SLC35F4: variants seen among roughly 807,000 people sequenced by gnomAD.
SLC35F4 encodes the protein chromosome 14 open reading frame 36.
SLC35F4 carries 24 observed loss-of-function variants against 44.2 expected under a neutral mutation model. The observed-to-expected ratio is 0.54, with a 90% CI of 0.39 to 0.76. The LOEUF is 0.76. Ranked by LOEUF, SLC35F4 falls within the 30% of genes least tolerant of loss-of-function variation. The pLI is 0.00. For missense variants in SLC35F4, 562 were observed against 586.1 expected (o/e 0.96, Z 0.42); for synonymous variants, 238 against 223.6 (o/e 1.06, Z -0.57).
intron 1 of SLC35F4, among the ~76,000 whole-genome samples, chr14:57,750,654 C>T (rs989058725): frequency 3.9e-5 from 6 of 152,110 alleles, no homozygotes; most frequent in Non-Finnish European, 8.8e-5. Context: ...TTGCACATAT[C>T]TGTTGGCCAT....
At chr14:57,658,980 T>G in intron 1 of SLC35F4, among the ~76,000 whole-genome samples, 1 of 151,656 alleles carries the variant, frequency 6.6e-6, no homozygotes. Context: ...AAAGAGAGGG[T>G]CCCACAGTCA....
At chr14:57,784,939 T>C (rs1225988828) in intron 1 of SLC35F4, among the ~76,000 whole-genome samples, 1 of 152,204 alleles carries the variant, frequency 6.6e-6, no homozygotes, top group Non-Finnish European at 1.5e-5. Context: ...CTCTTCCTTA[T>C]GCTTTTCTTA....
chr14:57,743,964 A>G (rs939940911), intron 1 of SLC35F4, among the ~76,000 whole-genome samples: 6 of 152,234 alleles, frequency 3.9e-5, no homozygotes, highest in African/African-American at 1.4e-4. Context: ...AACAGAACCA[A>G]CGACAAAAAC....
At chr14:57,875,808 T>G (rs537026564) in intron 1 of SLC35F4, among the ~76,000 whole-genome samples, 1 of 152,318 alleles carries the variant, frequency 6.6e-6, no homozygotes, top group East Asian at 1.9e-4. Context: ...GTGGTGAGAT[T>G]GCTGCAAACA....
intron 1 of SLC35F4, among the ~76,000 whole-genome samples, chr14:57,673,578 A>G (rs1250170597): frequency 6.6e-6 from 1 of 152,052 alleles, no homozygotes; most frequent in Non-Finnish European, 1.5e-5. Flanking sequence ...AGGGCAGCCT[A>G]TCCCTATTCC....
chr14:57,871,186 G>A (rs1256633580), intron 1 of SLC35F4, among the ~76,000 whole-genome samples: 1 of 152,120 alleles, frequency 6.6e-6, no homozygotes, highest in African/African-American at 2.4e-5. Context: ...TTGTCCAGAA[G>A]CAGCAGAGTC....
rs577552658 is a variant in SLC35F4 at position 57,824,833 on chromosome 14, TG to T, written c.103+40889del. ...GATTATTCAGGGCCTTAGAGGCTAT[TG>T]TAAGGATTATGGATTTTACATTGAG... is the stretch of plus-strand genomic sequence containing the variant. On this transcript the variant is annotated intron_variant, in intron 1 of 7. Coordinates refer to ENST00000556826, the MANE Select transcript of SLC35F4 (RefSeq NM_001306087.2). 4.6e-5 allele frequency among the ~76,000 whole-genome samples: 7 copies of T among 152,090 alleles called. No homozygotes were observed. In the South Asian group the frequency reaches 1.5e-3, roughly 32 times the overall value.
chr14:57,874,416 C>CA (rs1888355483), intron 1 of SLC35F4, among the ~76,000 whole-genome samples: 1 of 152,164 alleles, frequency 6.6e-6, no homozygotes, highest in East Asian at 1.9e-4. Flanking sequence ...ATCATTGTAA[C>CA]AAACAAAAGT....
chr14:57,947,089 A>G (rs1045048961), intron 1 of SLC35F4, among the ~76,000 whole-genome samples: 6 of 152,062 alleles, frequency 3.9e-5, no homozygotes, highest in African/African-American at 1.4e-4. Context: ...TATTTTCACG[A>G]TATTGATTCT....
At position 57,735,725 on chromosome 14, in the gene SLC35F4, G is replaced by GTT. The variant is rs11337745; in HGVS notation, c.103+129996_103+129997dup. ...AACTCCAACATAGCCACCCCCTTTTGTTTTTTTTTTTTTTAAAGACAGAGC... is the reference window on the plus strand; with the variant it reads ...AACTCCAACATAGCCACCCCCTTTTGTTTTTTTTTTTTTTTTAAAGACAGAGC... On this transcript the variant is annotated intron_variant, in intron 1 of 7. Coordinates refer to ENST00000556826, the MANE Select transcript of SLC35F4 (RefSeq NM_001306087.2). Among the ~76,000 whole-genome samples, 10 of 140,960 alleles carry GTT rather than the reference G, an allele frequency of 7.1e-5. No individual in the cohort carries two copies. In the East Asian group the frequency reaches 1.4e-3, roughly 20 times the overall value. The allele number at this position is 140,960 out of a possible 152,430, so 92.5% of individuals were successfully genotyped here.
At chr14:57,882,849 C>A (rs962811799) in intron 1 of SLC35F4, among the ~76,000 whole-genome samples, 4 of 152,166 alleles carry the variant, frequency 2.6e-5, no homozygotes, top group African/African-American at 9.7e-5. Flanking sequence ...TGTAATACTG[C>A]AGCTCAACCC....
At chr14:57,833,030 C>T (rs185975643) in intron 1 of SLC35F4, among the ~76,000 whole-genome samples, 1 of 152,120 alleles carries the variant, frequency 6.6e-6, no homozygotes, top group Admixed American at 6.6e-5. Flanking sequence ...AGCAGGTGTC[C>T]CTGAAATAAC....
chr14:57,886,079 A>G (rs943806831), intron 1 of SLC35F4, among the ~76,000 whole-genome samples: 16 of 152,232 alleles, frequency 1.1e-4, no homozygotes, highest in Non-Finnish European at 2.1e-4. Context: ...TATATATCAC[A>G]TGCTTACTGT....
intron 1 of SLC35F4, among the ~76,000 whole-genome samples, chr14:57,673,547 G>A (rs1184105267): frequency 2.0e-5 from 3 of 152,020 alleles, no homozygotes; most frequent in Non-Finnish European, 4.4e-5. Flanking sequence ...AAAATTTGAA[G>A]AAGATAGAAA....
intron 1 of SLC35F4, among the ~76,000 whole-genome samples, chr14:57,944,545 A>G (rs745533313): frequency 6.6e-6 from 1 of 152,010 alleles, no homozygotes; most frequent in African/African-American, 2.4e-5. Context: ...ACTCCTCAAA[A>G]TTGTGCTTTG....
At chr14:57,964,725 G>A (rs1890401862) in intron 1 of SLC35F4, among the ~76,000 whole-genome samples, 1 of 152,018 alleles carries the variant, frequency 6.6e-6, no homozygotes, top group African/African-American at 2.4e-5. Context: ...AGGCCTCAAG[G>A]TGGGGAAGGT....
chr14:57,951,987 T>C (rs1890150068), intron 1 of SLC35F4, among the ~76,000 whole-genome samples: 1 of 152,176 alleles, frequency 6.6e-6, no homozygotes. Context: ...TGCCTCCTGA[T>C]TGGGAAACAC....
chr14:57,785,077 A>G (rs2077721884), intron 1 of SLC35F4, among the ~76,000 whole-genome samples: 3 of 152,246 alleles, frequency 2.0e-5, no homozygotes, highest in Admixed American at 6.5e-5. Context: ...TTAGTGGTTA[A>G]GTTGTGAAGA....
intron 1 of SLC35F4, chr14:57,837,532 C>T (rs1190937553): frequency 1.3e-5 from 2 of 152,240 alleles, no homozygotes; most frequent in African/African-American, 4.8e-5. Flanking sequence ...TGACCAATCT[C>T]ACAGCTTCTG....
Sources: gnomAD v4.1 joint callset for allele counts (sites outside exome capture counted in the v4.1 genomes callset) on GRCh38, gnomAD v4.1.1 for gene constraint, MANE v1.5 for transcripts, NCBI Gene and HGNC (gene_info 2026-07-23, HGNC 2026-07-21) for gene names.